CTNNA2: variants seen among roughly 807,000 people sequenced by gnomAD.
The protein encoded by CTNNA2 is catenin alpha 2.
A neutral mutation model predicts 101.0 loss-of-function variants in CTNNA2; 42 were observed. The ratio of observed to expected loss-of-function variants is 0.42; its 90% CI spans 0.32 to 0.54. The LOEUF (loss-of-function observed/expected upper bound fraction) is 0.54, where lower values mean the gene tolerates loss of function less well. CTNNA2 is among the 20% of genes least tolerant of loss of function. CTNNA2 has a pLI of 0.14. For missense variants in CTNNA2, 871 were observed against 1,223.1 expected (o/e 0.71, Z 4.29); for synonymous variants, 450 against 456.4 (o/e 0.99, Z 0.18).
chr2:79,485,590 C>A (rs942539498), intron 4 of CTNNA2, among the ~76,000 whole-genome samples: 3 of 152,156 alleles, frequency 2.0e-5, no homozygotes, highest in Admixed American at 1.3e-4. Flanking sequence ...GAAAGAAGCA[C>A]AAAGCATCCC....
chr2:79,471,105 G>A (rs1221880701), intron 4 of CTNNA2, among the ~76,000 whole-genome samples: 1 of 152,062 alleles, frequency 6.6e-6, no homozygotes, highest in African/African-American at 2.4e-5. Context: ...AACTATATAG[G>A]CTGGATGTTG....
In CTNNA2 at chr2:79,874,420, C is replaced by T. The variant is rs977790144; in HGVS notation, c.852+78C>T. The T allele has an allele frequency of 1.2e-5, 18 of 1,461,140 alleles. No individual in the cohort carries two copies. The African/African-American group carries it at 1.8e-4, about 15-fold the overall frequency. The allele number at this position is 1,461,140 out of a possible 1,614,324, so 90.5% of individuals were successfully genotyped here. On this transcript the variant is annotated intron_variant, in intron 6 of 18. Transcript: ENST00000402739. The stretch of plus-strand genomic sequence containing the variant: ...AAAAAAATGTATTGAGGATGAAGGG[C>T]CACTACAATAATTTACATTGATTTT...
Position 80,183,884 on chromosome 2 carries a change from G to GGT in CTNNA2, c.1057-209302_1057-209301dup, listed in dbSNP as rs35982231. 4.0e-3 allele frequency among the ~76,000 whole-genome samples: 601 copies of GGT among 149,546 alleles called. 3 individuals are homozygous for GGT. Among genetic ancestry groups the GGT allele is most frequent in the South Asian group, 0.014 (66 of 4,696 alleles). On this transcript the variant is annotated intron_variant, in intron 7 of 18. Transcript: ENST00000402739. ...ACGTAAGAAGAAGTGTGTGCTCTTG[G>GGT]GTGTGTGTGTGTGTGTGTGTGTGTG...
At chr2:79,566,512 A>G (rs1180517404) in intron 1 of CTNNA2, among the ~76,000 whole-genome samples, 1 of 152,162 alleles carries the variant, frequency 6.6e-6, no homozygotes, top group South Asian at 2.1e-4. Flanking sequence ...TCTATTGCAT[A>G]TTGAAATTGT....
chr2:79,563,534 A>G (rs923120802), intron 1 of CTNNA2, among the ~76,000 whole-genome samples: 1 of 152,122 alleles, frequency 6.6e-6, no homozygotes, highest in Non-Finnish European at 1.5e-5. Flanking sequence ...ATGGGCTGCC[A>G]TCTCCAGTCC....
At chr2:79,312,977 T>G (rs576029637) in intron 3 of CTNNA2, among the ~76,000 whole-genome samples, 2 of 152,352 alleles carry the variant, frequency 1.3e-5, no homozygotes, top group East Asian at 3.9e-4. Context: ...CAATTAGTGT[T>G]TGTGCACAGA....
intron 4 of CTNNA2, among the ~76,000 whole-genome samples, chr2:79,401,356 T>G (rs1678288471): frequency 6.6e-6 from 1 of 151,422 alleles, no homozygotes; most frequent in Non-Finnish European, 1.5e-5. Context: ...TTTAAAACAC[T>G]TTTCTTCTCC....
chr2:80,386,932 T>TG (rs1404417978), intron 7 of CTNNA2, among the ~76,000 whole-genome samples: 1 of 152,130 alleles, frequency 6.6e-6, no homozygotes, highest in Non-Finnish European at 1.5e-5. Flanking sequence ...AGCACCAAGA[T>TG]GGTCGATTTA....
chr2:80,453,186 T>G (rs540839652), intron 9 of CTNNA2, among the ~76,000 whole-genome samples: 1 of 152,182 alleles, frequency 6.6e-6, no homozygotes, highest in East Asian at 1.9e-4. Context: ...AAATCAAATC[T>G]CCTAACACAC....
At chr2:80,340,737 T>C (rs1573771221) in intron 7 of CTNNA2, among the ~76,000 whole-genome samples, 1 of 152,316 alleles carries the variant, frequency 6.6e-6, no homozygotes, top group South Asian at 2.1e-4. Context: ...ATTTGACTTT[T>C]TGGTTGGTGC....
chr2:79,202,438 G>A (rs1572976553), intron 2 of CTNNA2, among the ~76,000 whole-genome samples: 1 of 151,946 alleles, frequency 6.6e-6, no homozygotes, highest in Admixed American at 6.6e-5. Flanking sequence ...GGATTCTTGA[G>A]TTCAAGTGAT....
At chr2:80,275,982 C>A (rs533923335) in intron 7 of CTNNA2, among the ~76,000 whole-genome samples, 20 of 151,738 alleles carry the variant, frequency 1.3e-4, no homozygotes, top group Non-Finnish European at 2.8e-4. Context: ...TCAATGACAT[C>A]CTTTGGGATG....
chr2:79,760,973 T>A (rs1672748462), intron 3 of CTNNA2, among the ~76,000 whole-genome samples: 1 of 152,134 alleles, frequency 6.6e-6, no homozygotes. Flanking sequence ...ATGGCGCAAG[T>A]CAGCCTTTAT....
intron 9 of CTNNA2, among the ~76,000 whole-genome samples, chr2:80,473,723 A>G (rs1685497658): frequency 6.6e-6 from 1 of 152,182 alleles, no homozygotes; most frequent in African/African-American, 2.4e-5. Flanking sequence ...CAGTCTTACG[A>G]TCATGGGTGC....
intron 1 of CTNNA2, among the ~76,000 whole-genome samples, chr2:79,621,041 C>T (rs1280687609): frequency 6.6e-6 from 1 of 152,122 alleles, no homozygotes; most frequent in Non-Finnish European, 1.5e-5. Context: ...ACACAGTACC[C>T]ATCACAGTGG....
In CTNNA2 at chr2:80,145,283, A is replaced by C. The variant is rs373867631; in HGVS notation, c.1056+235486A>C. On this transcript the variant is annotated intron_variant, in intron 7 of 18. Coordinates refer to ENST00000402739, the MANE Select transcript of CTNNA2 (RefSeq NM_001282597.3). ...ATTTTCTGGGTTGAATTCTCCCTGG[A>C]AGGGTCCTCTTATCTACACTCAAAG... Among the ~76,000 whole-genome samples, 21 of 152,082 alleles carry C rather than the reference A, an allele frequency of 1.4e-4. No homozygotes were observed. In the East Asian group the frequency reaches 1.6e-3, roughly 11 times the overall value.
At chr2:80,424,508 T>C (rs914824400) in intron 9 of CTNNA2, among the ~76,000 whole-genome samples, 4 of 152,202 alleles carry the variant, frequency 2.6e-5, no homozygotes, top group African/African-American at 7.2e-5. Context: ...TGGACAGATA[T>C]AGAGGGTCTG....
chr2:79,820,838 A>G (rs1357870156), intron 3 of CTNNA2, among the ~76,000 whole-genome samples: 1 of 152,160 alleles, frequency 6.6e-6, no homozygotes, highest in Admixed American at 6.5e-5. Flanking sequence ...CACATTCAAT[A>G]TTTACCTCAT....
chr2:80,026,930 C>T (rs1694965933), intron 7 of CTNNA2, among the ~76,000 whole-genome samples: 1 of 152,118 alleles, frequency 6.6e-6, no homozygotes. Flanking sequence ...GGGAATTCAG[C>T]CACAATTAAT....
Sources: allele counts gnomAD v4.1 joint callset (sites outside exome capture counted in the v4.1 genomes callset), GRCh38; gene constraint gnomAD v4.1.1; transcripts MANE v1.5; gene names NCBI Gene and HGNC (gene_info 2026-07-23, HGNC 2026-07-21).